The following USP25 variants were observed in gnomAD, a reference collection of about 807,000 sequenced individuals.
USP25 encodes the protein ubiquitin specific peptidase 25.
USP25 carries 85 observed loss-of-function variants against 158.5 expected under a neutral mutation model. That is an observed-to-expected ratio of 0.54 (90% confidence interval 0.45 to 0.64). The LOEUF (loss-of-function observed/expected upper bound fraction) is 0.64, where lower values mean the gene tolerates loss of function less well. Ranked by LOEUF, USP25 falls within the 30% of genes least tolerant of loss-of-function variation. USP25 has a pLI of 0.00. For missense variants in USP25, 1,242 were observed against 1,327.3 expected, an observed-to-expected ratio of 0.94 and a Z score of 1.00; for synonymous variants, 464 against 460.4, an observed-to-expected ratio of 1.01 and a Z score of -0.10.
chr21:15,851,263 G>GA (rs1568889473), intron 20 of USP25, among the ~76,000 whole-genome samples: 1 of 151,992 alleles, frequency 6.6e-6, no homozygotes, highest in East Asian at 1.9e-4. Context: ...GTTAATATCT[G>GA]CATATAAATA....
chr21:15,730,976 G>GTTTTTTTTTTTTTTTTTTTTTT (rs748732727), intron 1 of USP25, among the ~76,000 whole-genome samples: 2 of 53,646 alleles, frequency 3.7e-5, no homozygotes, highest in African/African-American at 1.4e-4. Flanking sequence ...CTTCTTTTCT[G>GTTTTTTTTTTTTTTTTTTTTTT]TTTTTTTTTT....
At chr21:15,812,283 C>G (rs1459148718) in intron 9 of USP25, among the ~76,000 whole-genome samples, 1 of 152,044 alleles carries the variant, frequency 6.6e-6, no homozygotes, top group Non-Finnish European at 1.5e-5. Flanking sequence ...TGACTAGGCA[C>G]TGTTTATAAT....
At chr21:15,864,930 G>C (rs1443336990) in intron 21 of USP25, among the ~76,000 whole-genome samples, 1 of 152,016 alleles carries the variant, frequency 6.6e-6, no homozygotes, top group Non-Finnish European at 1.5e-5. Flanking sequence ...AGAATCACTG[G>C]AGAAAAGTTT....
intron 1 of USP25, among the ~76,000 whole-genome samples, chr21:15,731,199 A>G (rs1463508684): frequency 1.3e-5 from 2 of 152,058 alleles, no homozygotes; most frequent in South Asian, 2.1e-4. Context: ...AATAGAGATC[A>G]TTCTGCTATT....
At chr21:15,807,291 GATTGATTTCTA>G (rs2036439976) in intron 7 of USP25, among the ~76,000 whole-genome samples, 1 of 152,042 alleles carries the variant, frequency 6.6e-6, no homozygotes, top group Non-Finnish European at 1.5e-5. Context: ...GTCAATTTTA[GATTGATTTCTA>G]AGAAAGATAG....
intron 1 of USP25, among the ~76,000 whole-genome samples, chr21:15,739,765 A>G (rs2031866116): frequency 6.6e-6 from 1 of 152,156 alleles, no homozygotes; most frequent in Non-Finnish European, 1.5e-5. Flanking sequence ...TGAAGGACCA[A>G]ATTTGGCTTG....
intron 1 of USP25, among the ~76,000 whole-genome samples, chr21:15,760,734 T>G (rs933441422): frequency 6.6e-6 from 1 of 152,214 alleles, no homozygotes; most frequent in East Asian, 1.9e-4. Flanking sequence ...GTTGCAAGAC[T>G]TAGTACACAG....
chr21:15,779,286 C>A (rs533901721), intron 4 of USP25, among the ~76,000 whole-genome samples: 4 of 151,796 alleles, frequency 2.6e-5, no homozygotes, highest in Non-Finnish European at 5.9e-5. Flanking sequence ...CTTTTTAAAA[C>A]GTGTATTGCA....
In USP25 at chr21:15,805,208, A is replaced by G. The variant is rs2036321746; in HGVS notation, c.730A>G (p.Arg244Gly). The change falls in exon 7 of 26, where the codon AGA (arginine) becomes GGA (glycine). Residue 244 changes from arginine (R) to glycine (G), a missense_variant. This residue lies in a region of USP25 where 627 missense variants were observed against 701.4 expected (regional missense o/e 0.89). Transcript: ENST00000400183. ...GTKRKYVDPS[R>G]AVEILKDAFK... ...CAAAAGGAAGTATGTTGATCCATCA[A>G]GAGCAGTTGAAATTCTTAAGGATGC... The G allele has an allele frequency of 6.2e-7, 1 of 1,608,770 alleles. No individual in the cohort carries two copies. Among genetic ancestry groups the G allele is most frequent in the African/African-American group, 1.3e-5 (1 of 74,574 alleles).
At chr21:15,740,438 C>G (rs1313017812) in intron 1 of USP25, among the ~76,000 whole-genome samples, 1 of 152,082 alleles carries the variant, frequency 6.6e-6, no homozygotes, top group Non-Finnish European at 1.5e-5. Flanking sequence ...ATCAGTGCAG[C>G]AACATGTTTC....
intron 3 of USP25, among the ~76,000 whole-genome samples, chr21:15,773,686 C>T (rs543416498): frequency 1.4e-3 from 214 of 152,168 alleles, no homozygotes; most frequent in Non-Finnish European, 5.1e-4. Flanking sequence ...GCTCTCAGGA[C>T]CCCTTTACAC....
intron 6 of USP25, among the ~76,000 whole-genome samples, chr21:15,804,801 A>G (rs997306059): frequency 1.3e-5 from 2 of 152,112 alleles, no homozygotes; most frequent in Non-Finnish European, 2.9e-5. Flanking sequence ...GCCTTGCTGA[A>G]TGGGAAGTAT....
At chr21:15,850,009 T>G in intron 20 of USP25, 137 bp downstream of exon 20, 2 of 589,004 alleles carry the variant, frequency 3.4e-6, no homozygotes, top group South Asian at 2.6e-5. Flanking sequence ...CCGGATATCC[T>G]AGGGTTTTAT....
At chr21:15,789,569 GC>G (rs1423878684) in intron 4 of USP25, among the ~76,000 whole-genome samples, 19 of 152,144 alleles carry the variant, frequency 1.2e-4, no homozygotes, top group African/African-American at 4.3e-4. Context: ...TTTAGAATAT[GC>G]TGTAGAATCC....
Position 15,824,320 on chromosome 21 carries a change from TTGTATTAGAAAAGTA to T in USP25, c.1208+156_1208+170del, listed in dbSNP as rs1364684074. 8.5e-5 allele frequency among the ~76,000 whole-genome samples: 13 copies of T among 152,324 alleles called. No homozygotes were observed. The South Asian group carries it at 2.5e-3, about 29-fold the overall frequency. On this transcript the variant is annotated intron_variant, in intron 11 of 25. Coordinates refer to ENST00000400183, the MANE Select transcript of USP25 (RefSeq NM_001283041.3). ...TTTGTCAAGGTAGATGAAATTTACT[TTGTATTAGAAAAGTA>T]TAGTTTTTGGGAATAATGTTATAAG...
chr21:15,731,784 C>T (rs976967875), intron 1 of USP25, among the ~76,000 whole-genome samples: 5 of 152,144 alleles, frequency 3.3e-5, no homozygotes, highest in African/African-American at 7.2e-5. Context: ...CCTTCCTAAT[C>T]CTCCCTATTC....
At chr21:15,861,494 T>G (rs1211155533) in intron 20 of USP25, among the ~76,000 whole-genome samples, 2 of 152,188 alleles carry the variant, frequency 1.3e-5, no homozygotes, top group African/African-American at 4.8e-5. Context: ...TGGGCAAATA[T>G]AATTCTAGAA....
intron 20 of USP25, among the ~76,000 whole-genome samples, chr21:15,854,366 A>C (rs2039035897): frequency 6.6e-6 from 1 of 152,078 alleles, no homozygotes; most frequent in African/African-American, 2.4e-5. Flanking sequence ...GGCTGGCCTC[A>C]AACTCCTGAC....
intron 20 of USP25, among the ~76,000 whole-genome samples, chr21:15,860,971 T>G (rs71317629): frequency 0.15 from 22,054 of 143,224 alleles, 2,340 homozygotes; most frequent in African/African-American, 0.31. Flanking sequence ...TATATATATA[T>G]ATATAGAGAG....
Sources: gnomAD v4.1 joint callset for allele counts (sites outside exome capture counted in the v4.1 genomes callset) on GRCh38, gnomAD v4.1.1 for gene constraint, gnomAD v4.1.1 regional missense constraint, MANE v1.5 for transcripts, NCBI Gene and HGNC (gene_info 2026-07-23, HGNC 2026-07-21) for gene names.